The following NEB variants were observed in gnomAD, a reference collection of about 807,000 sequenced individuals.
NEB encodes nemaline myopathy type 2.
NEB carries 512 observed loss-of-function variants against 952.2 expected under a neutral mutation model. The observed-to-expected ratio is 0.54, with a 90% CI of 0.50 to 0.58. NEB has a LOEUF of 0.58. Ranked by LOEUF, NEB falls within the 20% of genes least tolerant of loss-of-function variation. NEB has a pLI of 0.00. For synonymous variants in NEB, 2,900 were observed against 3,149.8 expected (o/e 0.92, Z 2.66); for missense variants, 8,428 against 9,231.1 (o/e 0.91, Z 3.56).
At chr2:151,655,770 G>C (rs1173377814) in intron 50 of NEB, 47 bp downstream of exon 50, 2 of 1,582,220 alleles carry the variant, frequency 1.3e-6, no homozygotes, top group Non-Finnish European at 1.7e-6. Flanking sequence ...GAGCCTGCTA[G>C]CCTTTCCTCA....
Position 151,533,518 on chromosome 2 carries a change from A to T in NEB, c.21341T>A (p.Phe7114Tyr). ...AATTTCATTACATCCATGTTGCAGA[A>T]ACATCTTGGCACTAGATTTATATTT... is the stretch of plus-strand genomic sequence containing the variant. ...ERKYKSSAKM[F>Y]LQHGCNEILR... The change falls in exon 143 of 182, where the codon TTT becomes TAT. Residue 7114 changes from phenylalanine to tyrosine, a missense_variant. Phe to Tyr is a conservative substitution (Grantham distance 22). Transcript: ENST00000397345. The T allele has an allele frequency of 2.6e-6, 4 of 1,551,332 alleles. No homozygotes were observed. The highest frequency in any genetic ancestry group is 3.5e-6 in the Non-Finnish European group (4 of 1,146,714).
At chr2:151,500,550 A>G (rs2063635827) in intron 168 of NEB, among the ~76,000 whole-genome samples, 1 of 151,042 alleles carries the variant, frequency 6.6e-6, no homozygotes, top group Non-Finnish European at 1.5e-5. Flanking sequence ...TATTCATGAA[A>G]TGGCTTGTTT....
rs1329330602 is a variant in NEB, at chr2:151,630,744, C to A, written c.9694G>T (p.Ala3232Ser). ...CTGTAGTTGATTTTGTTCTGCCTTG[C>A]CAACATAATCTCTGGTGTATCAGGC... ...IMPDTPEIML[A>S]RQNKINYSET... The change falls in exon 67 of 182, where the codon GCA (alanine) becomes TCA (serine). Residue 3232 changes from alanine to serine, a missense_variant. Ala to Ser is a moderately conservative substitution (Grantham distance 99, BLOSUM62 1). Transcript: ENST00000397345. 1 of 1,610,354 alleles carries A rather than the reference C, an allele frequency of 6.2e-7. No homozygotes were observed. Among genetic ancestry groups the A allele is most frequent in the East Asian group, 2.2e-5 (1 of 44,798 alleles).
Position 151,694,451 on chromosome 2 carries a change from C to T in NEB, c.1783-15G>A, listed in dbSNP as rs2149258540. On this transcript the variant is annotated splice_polypyrimidine_tract_variant and intron_variant, in intron 19 of 181. Coordinates refer to ENST00000397345, the MANE Select transcript of NEB (RefSeq NM_001164508.2). ...TTGTACATCACCTGCAAAGACATCA[C>T]ACATGCCAGATTCCACTCAAGAGGA... 2 of 1,613,068 alleles carry T rather than the reference C, an allele frequency of 1.2e-6. No individual in the cohort carries two copies. Among genetic ancestry groups the T allele is most frequent in the Non-Finnish European group, 8.5e-7 (1 of 1,179,108 alleles).
At position 151,567,446 on chromosome 2, in the gene NEB, C is replaced by T; in HGVS notation, c.17878G>A (p.Gly5960Ser). The change falls in exon 114 of 182, where the codon GGT becomes AGT. Residue 5960 changes from glycine (G) to serine (S), a missense_variant. Physicochemically the swap from Gly to Ser is moderately conservative, Grantham distance 56. Coordinates refer to ENST00000397345, the MANE Select transcript of NEB (RefSeq NM_001164508.2). ...KYKAEHVKQK[G>S]HYVGVPTMRD... ...ATCGTCGGGACACCAACATAATGAC[C>T]TTTTTGCTTCACATGTTCAGCTTTG... 3 of 1,612,756 alleles carry T rather than the reference C, an allele frequency of 1.9e-6. No homozygotes were observed.
Position 151,678,047 on chromosome 2 carries a change from C to T in NEB, c.3396G>A (p.Lys1132=), listed in dbSNP as rs759188583. The T allele has an allele frequency of 6.2e-7, 1 of 1,613,892 alleles. No individual in the cohort carries two copies. Among genetic ancestry groups the T allele is most frequent in the East Asian group, 2.2e-5 (1 of 44,880 alleles). ...SDREYKKDYE[K]TKSKYNTPHD... is the part of the protein sequence containing the mutation. Reference sequence around the variant, plus strand: ...GGGGCGTGTTGTATTTGGACTTTGTCTTCTCATAGTCTTTTTTATACTCCC... The same window carrying T: ...GGGGCGTGTTGTATTTGGACTTTGTTTTCTCATAGTCTTTTTTATACTCCC... Residue 1132 remains lysine (K), a synonymous_variant, in exon 33 of 182, where the codon AAG becomes AAA. Transcript: ENST00000397345.
In NEB at chr2:151,610,752, A is replaced by G; in HGVS notation, c.11910+10T>C. ...TCTTAGGTTTAAGCAACAATCAGGA[A>G]ATCTCTTACTTGGCTGATATTGGCA... On this transcript the variant is annotated intron_variant, in intron 79 of 181. Coordinates refer to ENST00000397345, the MANE Select transcript of NEB (RefSeq NM_001164508.2). The G allele has an allele frequency of 6.2e-7, 1 of 1,602,414 alleles. No homozygotes were observed. The highest frequency in any genetic ancestry group is 1.7e-5 in the Admixed American group (1 of 59,320).
intron 124 of NEB, among the ~76,000 whole-genome samples, chr2:151,555,737 C>T (rs1472135276): frequency 1.3e-5 from 2 of 152,040 alleles, no homozygotes; most frequent in African/African-American, 4.8e-5. Flanking sequence ...ATATTTGTGT[C>T]AGAATTCCAG....
rs181802123 is a variant in NEB at position 151,492,626 on chromosome 2, T to C, written c.24766-132A>G. On this transcript the variant is annotated intron_variant, in intron 176 of 181. Transcript: ENST00000397345. ...AACTGAAGGGGCCCAGTGAGACACA[T>C]GACCAATTTTGGAACAGGCTAATCT... 183 of 520,670 alleles carry C rather than the reference T, an allele frequency of 3.5e-4. 1 individual carries two copies. Among genetic ancestry groups the C allele is most frequent in the African/African-American group, 3.4e-3 (176 of 51,596 alleles). 32.3% of individuals were successfully genotyped at this position (520,670 alleles called of 1,614,324 possible).
At chr2:151,577,831 G>A (rs887654036) in intron 105 of NEB, among the ~76,000 whole-genome samples, 2 of 152,164 alleles carry the variant, frequency 1.3e-5, no homozygotes, top group African/African-American at 4.8e-5. Flanking sequence ...ACCCACCTCA[G>A]CCTCCCCAAA....
chr2:151,665,502 C>T lies in NEB; in HGVS notation c.5069G>A (p.Gly1690Glu), dbSNP rs2099203753. 6.2e-7 allele frequency: 1 copy of T among 1,611,098 alleles called. No individual in the cohort carries two copies. Among genetic ancestry groups the T allele is most frequent in the Non-Finnish European group, 8.5e-7 (1 of 1,178,722 alleles). The change falls in exon 42 of 182, where the codon GGG becomes GAG. Residue 1690 changes from glycine to glutamate, a missense_variant. By Grantham distance (98) the Gly-to-Glu change is moderately conservative. Around this residue, in one of 11 missense-constraint regions of NEB, gnomAD observed 2,851 missense variants for 2,791.5 expected, o/e 1.02. Transcript: ENST00000397345. ...YKSDFTNWMK[G>E]IGWVPIESLE... ...GGACTCTATGGGCACCCAGCCGATCCCTTTCATCCAATTGGTGAAGTCAGA... is the reference window on the plus strand; with the variant it reads ...GGACTCTATGGGCACCCAGCCGATCTCTTTCATCCAATTGGTGAAGTCAGA...
Position 151,512,830 on chromosome 2 carries a change from T to C in NEB, c.23249A>G (p.Tyr7750Cys). 1 of 1,608,210 alleles carries C rather than the reference T, an allele frequency of 6.2e-7. No individual in the cohort carries two copies. The highest frequency in any genetic ancestry group is 8.5e-7 in the Non-Finnish European group (1 of 1,175,182). ...TTTCTCCATTTCTGCTGATTGCTTATACTTAATCTGTAAAACAACACCGAA... is the reference window on the plus strand; with the variant it reads ...TTTCTCCATTTCTGCTGATTGCTTACACTTAATCTGTAAAACAACACCGAA... ...NATDIASQIK[Y>C]KQSAEMEKAN... is the part of the protein sequence containing the mutation. The change falls in exon 161 of 182, where the codon TAT becomes TGT. Residue 7750 changes from tyrosine (Y) to cysteine (C), a missense_variant. Tyr to Cys is a radical substitution (Grantham distance 194). This residue lies in a region of NEB where 3,374 missense variants were observed against 3,651.5 expected (regional missense o/e 0.92). Transcript: ENST00000397345.
intron 146 of NEB, among the ~76,000 whole-genome samples, chr2:151,527,818 C>T (rs142556433): frequency 1.6e-4 from 25 of 152,262 alleles, no homozygotes; most frequent in Non-Finnish European, 2.5e-4. Flanking sequence ...TAAAGGCCTC[C>T]GGGTGAAATG....
chr2:151,731,563 T>A (rs1371599674), intron 3 of NEB, among the ~76,000 whole-genome samples: 1 of 152,214 alleles, frequency 6.6e-6, no homozygotes, highest in African/African-American at 2.4e-5. Flanking sequence ...AGTTCAATAC[T>A]TTCTGGCAGG....
chr2:151,518,344 T>C lies in NEB; in HGVS notation c.22774A>G (p.Lys7592Glu). Residue 7592 changes from lysine to glutamate, a missense_variant, in exon 156 of 182, where the codon AAA becomes GAA. Coordinates refer to ENST00000397345, the MANE Select transcript of NEB (RefSeq NM_001164508.2). The part of the protein sequence containing the change: ...IPDNLEQLHL[K>E]EATELQSIVK... Reference sequence around the variant, plus strand: ...ATACTCTGTAATTCTGTGGCCTCTTTTAGGTGAAGCTGCTCCAGATTATCG... The same window carrying C: ...ATACTCTGTAATTCTGTGGCCTCTTCTAGGTGAAGCTGCTCCAGATTATCG... 6.2e-7 allele frequency: 1 copy of C among 1,610,212 alleles called. No individual in the cohort carries two copies. The highest frequency in any genetic ancestry group is 8.5e-7 in the Non-Finnish European group (1 of 1,176,494).
intron 164 of NEB, 32 bp downstream of exon 164, chr2:151,506,134 A>C (rs748634452): frequency 1.3e-6 from 2 of 1,541,178 alleles, no homozygotes; most frequent in Admixed American, 3.3e-5. Flanking sequence ...GGGAGGCAGA[A>C]AATATTGCAA....
chr2:151,560,386 G>A (rs540319303), intron 124 of NEB, among the ~76,000 whole-genome samples: 1 of 152,308 alleles, frequency 6.6e-6, no homozygotes, highest in East Asian at 1.9e-4. Context: ...GCAAGTGCTT[G>A]TGATTCTCTC....
At chr2:151,554,162 T>C (rs1010872896) in intron 125 of NEB, 137 bp from the exon 126 acceptor site, 16 of 761,758 alleles carry the variant, frequency 2.1e-5, no homozygotes, top group African/African-American at 1.7e-5. Context: ...TGACATTTTC[T>C]ATAGATTAAC....
chr2:151,642,168 G>T (rs538003303), intron 60 of NEB, among the ~76,000 whole-genome samples: 1 of 152,198 alleles, frequency 6.6e-6, no homozygotes, highest in Non-Finnish European at 1.5e-5. Context: ...CACAGGAATC[G>T]TTGAACTTTG....
Sources: gnomAD v4.1 joint callset for allele counts (sites outside exome capture counted in the v4.1 genomes callset) on GRCh38, gnomAD v4.1.1 for gene constraint, gnomAD v4.1.1 regional missense constraint, MANE v1.5 for transcripts, NCBI Gene and HGNC (gene_info 2026-07-23, HGNC 2026-07-21) for gene names.